EBF2: variants seen among roughly 807,000 people sequenced by gnomAD.
EBF2 encodes transcription factor COE2.
In EBF2, 21 loss-of-function variants were observed where a neutral mutation model predicts 72.8. The observed-to-expected ratio is 0.29, with a 90% CI of 0.20 to 0.42. The LOEUF (loss-of-function observed/expected upper bound fraction) is 0.42. Ranked by LOEUF, EBF2 falls within the 10% of genes least tolerant of loss-of-function variation. The probability of loss-of-function intolerance (pLI) is 1.00; values close to 1 mark genes in which losing one functional copy is unlikely to be tolerated. For missense variants in EBF2, 637 were observed against 731.2 expected (o/e 0.87, Z 1.49); for synonymous variants, 299 against 274.2 (o/e 1.09, Z -0.89).
At position 26,045,034 on chromosome 8, in the gene EBF2, G is replaced by A. The variant is rs1196519098; in HGVS notation, c.-175C>T. 2.9e-6 allele frequency: 2 copies of A among 681,252 alleles called. No individual in the cohort carries two copies. The highest frequency in any genetic ancestry group is 4.7e-6 in the Non-Finnish European group (2 of 423,630). The allele number at this position is 681,252 out of a possible 1,614,324, so 42.2% of individuals were successfully genotyped here. A position where few individuals can be genotyped will look rare whatever the true frequency, so the allele number is the denominator to read the frequency against. On this transcript the variant is annotated 5_prime_UTR_variant, in exon 1 of 16. Coordinates refer to ENST00000520164, the MANE Select transcript of EBF2 (RefSeq NM_022659.4). ...AGATAACCCGTCCTTTGCTTCACTG[G>A]CGAGGTGCGGACTGATGTAGTCAAA...
chr8:26,040,846 G>T, intron 3 of EBF2, 93 bp downstream of exon 3: 9 of 1,566,398 alleles, frequency 5.7e-6, no homozygotes, highest in Non-Finnish European at 7.9e-6. Flanking sequence ...TGGGCTCCAT[G>T]CGATCCCTGA....
rs1053171310 is a variant in EBF2 at position 25,852,766 on chromosome 8, C to T, written c.1529-2005G>A. Among the ~76,000 whole-genome samples, 7 of 152,128 alleles carry T rather than the reference C, an allele frequency of 4.6e-5. No homozygotes were observed. The East Asian group carries it at 7.7e-4, about 17-fold the overall frequency. ...AATGCATTCAACTGAATTTAAAATTCGATGCAACTATAATAAAAATGCTGA... is the reference window on the plus strand; with the variant it reads ...AATGCATTCAACTGAATTTAAAATTTGATGCAACTATAATAAAAATGCTGA... On this transcript the variant is annotated intron_variant, in intron 14 of 15. Coordinates refer to ENST00000520164, the MANE Select transcript of EBF2 (RefSeq NM_022659.4).
intron 6 of EBF2, among the ~76,000 whole-genome samples, chr8:25,963,264 G>A (rs1804062908): frequency 6.6e-6 from 1 of 152,186 alleles, no homozygotes. Flanking sequence ...CCAACTTCTA[G>A]CCTTTGGCCT....
At chr8:26,027,870 C>T (rs6557874) in intron 6 of EBF2, among the ~76,000 whole-genome samples, 152,288 of 152,288 alleles carry the variant, frequency 1, 76,144 homozygotes, top group Non-Finnish European at 1. Context: ...AAAAGATAAG[C>T]ACTACCTGGT....
At chr8:25,869,896 A>G (rs1802402746) in intron 10 of EBF2, among the ~76,000 whole-genome samples, 1 of 152,116 alleles carries the variant, frequency 6.6e-6, no homozygotes, top group Admixed American at 6.5e-5. Flanking sequence ...CCCATTTTCA[A>G]TGCAGTCCCA....
chr8:25,928,515 T>G (rs887784148), intron 6 of EBF2, among the ~76,000 whole-genome samples: 1 of 152,202 alleles, frequency 6.6e-6, no homozygotes, highest in Non-Finnish European at 1.5e-5. Flanking sequence ...TTTCTTGGTT[T>G]TATTGTCAAT....
In EBF2 at chr8:25,969,028, T is replaced by TG. The variant is rs1804154223; in HGVS notation, c.552-60474dup. On this transcript the variant is annotated intron_variant, in intron 6 of 15. Coordinates refer to ENST00000520164, the MANE Select transcript of EBF2 (RefSeq NM_022659.4). ...TAAAATGGTAAAAAAAAATTTTGAT[T>TG]GAAAAAAAAAAGAATCTCAGTGAAT... Among the ~76,000 whole-genome samples the TG allele has an allele frequency of 2.6e-5, 4 of 151,682 alleles. No homozygotes were observed. The South Asian group carries it at 6.3e-4, about 24-fold the overall frequency.
intron 6 of EBF2, among the ~76,000 whole-genome samples, chr8:25,958,292 A>G (rs1803980836): frequency 6.6e-6 from 1 of 152,246 alleles, no homozygotes; most frequent in Non-Finnish European, 1.5e-5. Context: ...TCTCCAATAG[A>G]TTGGAACAAT....
chr8:25,932,335 C>T (rs759184823), intron 6 of EBF2, among the ~76,000 whole-genome samples: 15 of 149,990 alleles, frequency 1.0e-4, no homozygotes, highest in Non-Finnish European at 2.1e-4. Context: ...GAAATTGATG[C>T]AATTCAGCAA....
chr8:25,966,244 T>C (rs1396158286), intron 6 of EBF2, among the ~76,000 whole-genome samples: 1 of 152,170 alleles, frequency 6.6e-6, no homozygotes, highest in Non-Finnish European at 1.5e-5. Flanking sequence ...CTTTTGGAGA[T>C]TTTGATTCAT....
intron 6 of EBF2, among the ~76,000 whole-genome samples, chr8:25,920,284 G>A (rs1407841349): frequency 1.3e-5 from 2 of 152,192 alleles, no homozygotes; most frequent in Non-Finnish European, 2.9e-5. Context: ...TTTCTCTGTA[G>A]TCAGGAACAT....
chr8:25,951,986 G>T (rs1331804384), intron 6 of EBF2, among the ~76,000 whole-genome samples: 8 of 151,906 alleles, frequency 5.3e-5, no homozygotes, highest in Non-Finnish European at 1.2e-4. Flanking sequence ...TGTTCAAAGG[G>T]GACTCTGTTA....
intron 6 of EBF2, among the ~76,000 whole-genome samples, chr8:26,016,431 C>T (rs181521838): frequency 8.9e-4 from 135 of 152,298 alleles, no homozygotes; most frequent in African/African-American, 3.1e-3. Context: ...CACATTCATT[C>T]GTCTTTTAAA....
intron 6 of EBF2, among the ~76,000 whole-genome samples, chr8:25,978,486 G>T (rs560709049): frequency 1.3e-5 from 2 of 152,326 alleles, no homozygotes; most frequent in South Asian, 2.1e-4. Context: ...CGACCGAGAT[G>T]GTCATCCTGG....
chr8:25,883,582 C>T (rs976504570), intron 10 of EBF2, among the ~76,000 whole-genome samples: 10 of 152,080 alleles, frequency 6.6e-5, no homozygotes, highest in Admixed American at 2.6e-4. Context: ...GGGGTTTGAC[C>T]TAGGCACTGA....
chr8:25,853,218 T>G (rs1460897785), intron 14 of EBF2, among the ~76,000 whole-genome samples: 1 of 152,112 alleles, frequency 6.6e-6, no homozygotes, highest in Non-Finnish European at 1.5e-5. Flanking sequence ...ACAAGATAGA[T>G]TTGCCACATA....
At chr8:26,020,441 A>G (rs1197087859) in intron 6 of EBF2, among the ~76,000 whole-genome samples, 1 of 152,216 alleles carries the variant, frequency 6.6e-6, no homozygotes, top group Admixed American at 6.5e-5. Context: ...TTTATTCTTC[A>G]TCGGGGAATG....
intron 6 of EBF2, 90 bp downstream of exon 6, chr8:26,032,995 G>A: frequency 7.9e-7 from 1 of 1,258,768 alleles, no homozygotes; most frequent in Middle Eastern, 1.9e-4. Flanking sequence ...AAACCAACTT[G>A]ACAGCAAAGC....
chr8:26,040,266 C>G (rs868447857), intron 4 of EBF2, among the ~76,000 whole-genome samples, 165 bp from the exon 5 acceptor site: 54 of 152,084 alleles, frequency 3.6e-4, no homozygotes, highest in African/African-American at 1.1e-3. Flanking sequence ...AGTTTGGACT[C>G]GACTGAAATC....
Sources: allele counts gnomAD v4.1 joint callset (sites outside exome capture counted in the v4.1 genomes callset), GRCh38; gene constraint gnomAD v4.1.1; transcripts MANE v1.5; gene names NCBI Gene and HGNC (gene_info 2026-07-23, HGNC 2026-07-21).